Variants in SOBP observed in about 807,000 individuals in gnomAD.
SOBP encodes the protein sine oculis-binding protein homolog.
A neutral mutation model predicts 53.6 loss-of-function variants in SOBP; 4 were observed. The ratio of observed to expected loss-of-function variants is 0.07; its 90% CI spans 0.04 to 0.17. The LOEUF (loss-of-function observed/expected upper bound fraction) is 0.17, where lower values mean the gene tolerates loss of function less well. Ranked by LOEUF, SOBP falls within the 10% of genes least tolerant of loss-of-function variation. The pLI, the probability that SOBP is intolerant of heterozygous loss-of-function variation, is 1.00. For missense variants in SOBP, 1,088 were observed against 1,204.7 expected, an observed-to-expected ratio of 0.90 and a Z score of 1.43; for synonymous variants, 584 against 522.6, an observed-to-expected ratio of 1.12 and a Z score of -1.60.
In SOBP at chr6:107,634,475, C is replaced by T. The variant is rs773753008; in HGVS notation, c.1631C>T (p.Pro544Leu). 1.1e-5 allele frequency: 18 copies of T among 1,611,560 alleles called. No homozygotes were observed. The highest frequency in any genetic ancestry group is 1.3e-5 in the Non-Finnish European group (15 of 1,179,934). ...CCCATCCCCATCCCCATCCCTATCCCTCACGTCAGCGACTCCAAGCCCCCC... is the reference window on the plus strand; with the variant it reads ...CCCATCCCCATCCCCATCCCTATCCTTCACGTCAGCGACTCCAAGCCCCCC... ...PVPIPIPIPI[P>L]HVSDSKPPNG... Residue 544 changes from proline (P) to leucine (L), a missense_variant, in exon 6 of 7, where the codon CCT becomes CTT. Physicochemically the swap from Pro to Leu is moderately conservative, Grantham distance 98 (BLOSUM62 -3). This residue lies in a region of SOBP where 665 missense variants were observed against 629.7 expected (regional missense o/e 1.06). Coordinates refer to ENST00000317357, the MANE Select transcript of SOBP (RefSeq NM_018013.4). This position sits in a 1 kb window ranked among gnomAD's most constrained non-coding sequence, Gnocchi z 4.5.
At chr6:107,609,736 G>C (rs1341440054) in intron 5 of SOBP, among the ~76,000 whole-genome samples, 1 of 152,084 alleles carries the variant, frequency 6.6e-6, no homozygotes, top group African/African-American at 2.4e-5. Context: ...GAAGAGGAGA[G>C]AGGTTCCAGG....
chr6:107,531,289 A>T (rs1238294877), intron 3 of SOBP, among the ~76,000 whole-genome samples: 3 of 152,130 alleles, frequency 2.0e-5, no homozygotes, highest in African/African-American at 7.2e-5. Context: ...TCCCGCATAA[A>T]TTTTTTTCCT....
chr6:107,524,403 T>C (rs555735453), intron 3 of SOBP, among the ~76,000 whole-genome samples: 1 of 152,310 alleles, frequency 6.6e-6, no homozygotes, highest in South Asian at 2.1e-4. Flanking sequence ...GAGGTTCAGA[T>C]TGAGGGCCCA....
intron 1 of SOBP, among the ~76,000 whole-genome samples, chr6:107,499,415 A>G (rs1487276884): frequency 6.6e-6 from 1 of 152,224 alleles, no homozygotes; most frequent in East Asian, 1.9e-4. Context: ...GTAAAGTGCT[A>G]TAAGACTATT....
chr6:107,553,627 A>G (rs1191368912), intron 4 of SOBP, among the ~76,000 whole-genome samples: 1 of 151,952 alleles, frequency 6.6e-6, no homozygotes, highest in African/African-American at 2.4e-5. Context: ...CTGGGATTAT[A>G]GGCGCCCGCC....
chr6:107,612,427 G>A (rs1786632354), intron 5 of SOBP, among the ~76,000 whole-genome samples: 1 of 152,192 alleles, frequency 6.6e-6, no homozygotes, highest in Admixed American at 6.5e-5. Context: ...TGAAGGGTTT[G>A]TTTAGGCTCC....
At chr6:107,541,087 T>C (rs1784135069) in intron 4 of SOBP, among the ~76,000 whole-genome samples, 1 of 152,204 alleles carries the variant, frequency 6.6e-6, no homozygotes, top group South Asian at 2.1e-4. Flanking sequence ...AATGTCAAAT[T>C]GCATAGTGTT....
rs112311823 is a variant in SOBP at position 107,602,684 on chromosome 6, G to A, written c.669+15509G>A. On this transcript the variant is annotated intron_variant, in intron 5 of 6. Coordinates refer to ENST00000317357, the MANE Select transcript of SOBP (RefSeq NM_018013.4). ...TTAATGGCCTAAAGGCTCAGGTTAT[G>A]TGAAGGGGTCTATTCCAGTTATGTC... Among the ~76,000 whole-genome samples, 892 of 152,012 alleles carry A rather than the reference G, an allele frequency of 5.9e-3. 9 individuals are homozygous for A. Among genetic ancestry groups the A allele is most frequent in the African/African-American group, 0.021 (852 of 41,454 alleles).
chr6:107,598,203 A>C (rs1080666), intron 5 of SOBP, among the ~76,000 whole-genome samples: 7,857 of 152,342 alleles, frequency 0.052, 505 homozygotes, highest in African/African-American at 0.15. Context: ...AACTACGCTT[A>C]TATGAACAAT....
chr6:107,539,882 G>T (rs1431410300), intron 4 of SOBP, among the ~76,000 whole-genome samples: 1 of 152,190 alleles, frequency 6.6e-6, no homozygotes. Context: ...ATCATAAGCT[G>T]CATTCAGCAC....
In SOBP at chr6:107,628,667, G is replaced by A. The variant is rs537902596; in HGVS notation, c.670-4847G>A. The stretch of plus-strand genomic sequence containing the variant: ...TAAAGAAACTGAGGCTGAGATTTTC[G>A]TAATGTTGCACTGCTAATAAGGAAT... On this transcript the variant is annotated intron_variant, in intron 5 of 6. Coordinates refer to ENST00000317357, the MANE Select transcript of SOBP (RefSeq NM_018013.4). 7.2e-5 allele frequency among the ~76,000 whole-genome samples: 11 copies of A among 152,266 alleles called. No individual in the cohort carries two copies. In the East Asian group the frequency reaches 7.7e-4, roughly 11 times the overall value.
rs1770987560 is a variant in SOBP, at chr6:107,635,315, C to G, written c.2471C>G (p.Thr824Ser). The G allele has an allele frequency of 2.5e-6, 4 of 1,613,618 alleles. No homozygotes were observed. Among genetic ancestry groups the G allele is most frequent in the South Asian group, 2.2e-5 (2 of 91,090 alleles). Residue 824 changes from threonine to serine, a missense_variant, in exon 6 of 7, where the codon ACC becomes AGC. Thr to Ser is a moderately conservative substitution (Grantham distance 58). Coordinates refer to ENST00000317357, the MANE Select transcript of SOBP (RefSeq NM_018013.4). The surrounding 1 kb of genome is among the most constrained non-coding windows in gnomAD (Gnocchi z 4.5). ...HAYALRMLPK[T>S]GCVIQPVPKP... Reference sequence around the variant, plus strand: ...TATGCTCTGCGGATGCTGCCCAAGACCGGCTGCGTGATCCAGCCTGTGCCA... The same window carrying G: ...TATGCTCTGCGGATGCTGCCCAAGAGCGGCTGCGTGATCCAGCCTGTGCCA...
intron 1 of SOBP, among the ~76,000 whole-genome samples, chr6:107,502,737 A>G (rs1028164828): frequency 6.6e-6 from 1 of 152,102 alleles, no homozygotes; most frequent in Admixed American, 6.6e-5. Context: ...TGAAATTTAT[A>G]AAAAAAACTT....
Position 107,569,758 on chromosome 6 carries a change from C to T in SOBP, c.574-17322C>T, listed in dbSNP as rs373923203. On this transcript the variant is annotated intron_variant, in intron 4 of 6. Coordinates refer to ENST00000317357, the MANE Select transcript of SOBP (RefSeq NM_018013.4). Reference sequence around the variant, plus strand: ...TGTGCAAAGTAGTGTGCTTTTCACTCGAGGTGCCCCTGCCAAAATTGCCAG... The same window carrying T: ...TGTGCAAAGTAGTGTGCTTTTCACTTGAGGTGCCCCTGCCAAAATTGCCAG... Among the ~76,000 whole-genome samples, 6 of 152,328 alleles carry T rather than the reference C, an allele frequency of 3.9e-5. No homozygotes were observed. In the East Asian group the frequency reaches 5.8e-4, roughly 15 times the overall value.
intron 6 of SOBP, among the ~76,000 whole-genome samples, chr6:107,642,887 T>C (rs1041046641): frequency 3.3e-5 from 5 of 152,230 alleles, no homozygotes; most frequent in African/African-American, 1.2e-4. Context: ...AAAAAGTAGA[T>C]CTTTCCCTCA....
Position 107,635,057 on chromosome 6 carries a change from C to T in SOBP, c.2213C>T (p.Ala738Val), listed in dbSNP as rs773200065. Reference protein sequence around the residue: ...RGAAAEGAKSAEPPPEQPPPP... With the variant: ...RGAAAEGAKSVEPPPEQPPPP... ...GCCGCCGCCGAGGGCGCTAAGAGCG[C>T]GGAGCCGCCTCCCGAGCAGCCGCCG... Residue 738 changes from alanine to valine, a missense_variant, in exon 6 of 7, where the codon GCG becomes GTG. Ala to Val is a moderately conservative substitution (Grantham distance 64). Around this residue, in one of 6 missense-constraint regions of SOBP, gnomAD observed 665 missense variants for 629.7 expected, o/e 1.06. Coordinates refer to ENST00000317357, the MANE Select transcript of SOBP (RefSeq NM_018013.4). This position sits in a 1 kb window ranked among gnomAD's most constrained non-coding sequence, Gnocchi z 4.5. 3 of 1,523,778 alleles carry T rather than the reference C, an allele frequency of 2.0e-6. 1 individual carries two copies. The South Asian group carries it at 3.7e-5, about 19-fold the overall frequency. 94.4% of individuals were successfully genotyped at this position (1,523,778 alleles called of 1,614,324 possible). A position where few individuals can be genotyped will look rare whatever the true frequency, so the allele number is the denominator to read the frequency against.
chr6:107,564,606 C>A lies in SOBP; in HGVS notation c.574-22474C>A, dbSNP rs184898902. 6.3e-5 allele frequency among the ~76,000 whole-genome samples: 7 copies of A among 110,716 alleles called. No individual in the cohort carries two copies. The East Asian group carries it at 1.4e-3, about 23-fold the overall frequency. The allele number at this position is 110,716 out of a possible 152,430, so 72.6% of individuals were successfully genotyped here. Reference sequence around the variant, plus strand: ...ATAGCTCTGTGATTCTGGATTTGTGCTTGTTTCCCTTACTGTCACTAGAAT... The same window carrying A: ...ATAGCTCTGTGATTCTGGATTTGTGATTGTTTCCCTTACTGTCACTAGAAT... On this transcript the variant is annotated intron_variant, in intron 4 of 6. Transcript: ENST00000317357.
At chr6:107,631,955 A>T (rs846972) in intron 5 of SOBP, among the ~76,000 whole-genome samples, 3 of 152,202 alleles carry the variant, frequency 2.0e-5, no homozygotes, top group African/African-American at 4.8e-5. Context: ...ACATCTGCCA[A>T]GTGCGTGTTC....
chr6:107,505,618 T>C (rs988040266), intron 2 of SOBP, among the ~76,000 whole-genome samples: 5 of 151,132 alleles, frequency 3.3e-5, no homozygotes, highest in Admixed American at 3.3e-4. Flanking sequence ...CCACTGCGCC[T>C]AGTCACCTCT....
Sources: allele counts gnomAD v4.1 joint callset (sites outside exome capture counted in the v4.1 genomes callset), GRCh38; gene constraint gnomAD v4.1.1; regional missense constraint gnomAD v4.1.1; non-coding constraint Gnocchi (gnomAD v3.1); transcripts MANE v1.5; gene names NCBI Gene and HGNC (gene_info 2026-07-23, HGNC 2026-07-21).